The following RFX3 variants were observed in gnomAD, a reference collection of about 807,000 sequenced individuals.
The protein encoded by RFX3 is regulatory factor X3.
A neutral mutation model predicts 98.6 loss-of-function variants in RFX3; 14 were observed. The ratio of observed to expected loss-of-function variants is 0.14; its 90% confidence interval spans 0.09 to 0.22. The LOEUF (loss-of-function observed/expected upper bound fraction) is 0.22, where lower values mean the gene tolerates loss of function less well. Among genes scored for constraint, RFX3 ranks in the 10% least tolerant of loss-of-function variants. The probability of loss-of-function intolerance (pLI) is 1.00; values close to 1 mark genes in which losing one functional copy is unlikely to be tolerated. For synonymous variants in RFX3, 383 were observed against 328.4 expected, an observed-to-expected ratio of 1.17 and a Z score of -1.80; for missense variants, 639 against 926.9, an observed-to-expected ratio of 0.69 and a Z score of 4.03.
chr9:3,511,098 T>C lies in RFX3; in HGVS notation c.-9+14649A>G, dbSNP rs375029353. 5.3e-5 allele frequency among the ~76,000 whole-genome samples: 8 copies of C among 152,114 alleles called. No individual in the cohort carries two copies. The East Asian group carries it at 9.6e-4, about 18-fold the overall frequency. ...GTCATACACAATTCCACTGAACCCT[T>C]TGGATCATAATGAAGTTTGGCAATT... On this transcript the variant is annotated intron_variant, in intron 1 of 16. Coordinates refer to ENST00000617270, the MANE Select transcript of RFX3 (RefSeq NM_001282116.2).
chr9:3,484,942 AG>A (rs1437652401), intron 1 of RFX3, among the ~76,000 whole-genome samples: 1 of 146,544 alleles, frequency 6.8e-6, no homozygotes, highest in African/African-American at 2.5e-5. Context: ...CAGAAAGAAA[AG>A]GAAAAAAAAA....
intron 1 of RFX3, among the ~76,000 whole-genome samples, chr9:3,515,179 A>C (rs1818034041): frequency 6.6e-6 from 1 of 152,228 alleles, no homozygotes; most frequent in Non-Finnish European, 1.5e-5. Flanking sequence ...TACCTTGCTT[A>C]TGAACTAGAT....
chr9:3,426,821 A>G (rs925348356), intron 1 of RFX3, among the ~76,000 whole-genome samples: 3 of 152,222 alleles, frequency 2.0e-5, no homozygotes, highest in African/African-American at 4.8e-5. Context: ...TGATGAGTAG[A>G]TAATTATTTC....
intron 4 of RFX3, among the ~76,000 whole-genome samples, chr9:3,303,982 G>A (rs1828981847): frequency 6.6e-6 from 1 of 151,988 alleles, no homozygotes; most frequent in African/African-American, 2.4e-5. Flanking sequence ...AATTTGTGTA[G>A]CCCGGGGAAT....
At chr9:3,525,626 GGAGT>G (rs1819209969) in intron 1 of RFX3, 117 bp downstream of exon 1, 1 of 153,936 alleles carries the variant, frequency 6.5e-6, no homozygotes, top group Non-Finnish European at 1.4e-5. Context: ...CCCCGTGTCA[GGAGT>G]GAGACCCCAG....
chr9:3,332,214 T>G (rs115943675), intron 3 of RFX3, among the ~76,000 whole-genome samples: 1 of 152,170 alleles, frequency 6.6e-6, no homozygotes, highest in Non-Finnish European at 1.5e-5. Context: ...ACAAGTGTTT[T>G]GGATTTTGGA....
At chr9:3,423,242 G>C (rs1175183329) in intron 1 of RFX3, among the ~76,000 whole-genome samples, 1 of 152,118 alleles carries the variant, frequency 6.6e-6, no homozygotes. Context: ...AGGTGCTTCT[G>C]AAGTCAAACA....
At chr9:3,266,065 C>T (rs2131271032) in intron 12 of RFX3, 143 bp downstream of exon 12, 1 of 485,480 alleles carries the variant, frequency 2.1e-6, no homozygotes, top group East Asian at 3.1e-5. Context: ...TTATAAAATA[C>T]AAATATAAAA....
chr9:3,246,921 A>T, intron 15 of RFX3: 1 of 323,054 alleles, frequency 3.1e-6, no homozygotes. Flanking sequence ...CTGACCTTCT[A>T]GGCAAGTTTG....
intron 1 of RFX3, among the ~76,000 whole-genome samples, chr9:3,413,806 T>C (rs1424977320): frequency 6.6e-6 from 1 of 152,078 alleles, no homozygotes; most frequent in African/African-American, 2.4e-5. Flanking sequence ...CCCTTTATGC[T>C]TTTTTGAATA....
At chr9:3,290,069 T>C (rs1051429496) in intron 6 of RFX3, among the ~76,000 whole-genome samples, 14 of 152,044 alleles carry the variant, frequency 9.2e-5, no homozygotes, top group Non-Finnish European at 1.8e-4. Flanking sequence ...ACTCCTACAA[T>C]TGTCAGTTTT....
intron 1 of RFX3, among the ~76,000 whole-genome samples, chr9:3,516,293 C>T (rs1818163127): frequency 6.6e-6 from 1 of 152,106 alleles, no homozygotes; most frequent in Non-Finnish European, 1.5e-5. Flanking sequence ...CGTGATCCAC[C>T]CGCCTCAGCC....
chr9:3,337,180 T>G (rs1833289002), intron 3 of RFX3, among the ~76,000 whole-genome samples: 2 of 152,092 alleles, frequency 1.3e-5, no homozygotes. Flanking sequence ...GGAGTTGCAA[T>G]CAGGGCCCAT....
chr9:3,242,480 A>G (rs575875004), intron 15 of RFX3, among the ~76,000 whole-genome samples: 34 of 152,006 alleles, frequency 2.2e-4, no homozygotes, highest in African/African-American at 7.7e-4. Flanking sequence ...TAACAAGTCT[A>G]TTGTTCAACA....
chr9:3,369,808 C>A (rs1329702221), intron 2 of RFX3, among the ~76,000 whole-genome samples: 3 of 151,944 alleles, frequency 2.0e-5, no homozygotes, highest in Non-Finnish European at 4.4e-5. Flanking sequence ...ATTTACAGAG[C>A]AGTTGTTTTT....
chr9:3,356,198 A>AAGGG (rs1804554629), intron 2 of RFX3, among the ~76,000 whole-genome samples: 1 of 148,824 alleles, frequency 6.7e-6, no homozygotes, highest in Non-Finnish European at 1.5e-5. Context: ...GGAAGGAAGG[A>AAGGG]AAGAAGGAAA....
chr9:3,307,383 A>G (rs1172884715), intron 4 of RFX3, among the ~76,000 whole-genome samples: 1 of 152,090 alleles, frequency 6.6e-6, no homozygotes, highest in East Asian at 1.9e-4. Context: ...ATCTGACATC[A>G]CTTCATATAT....
chr9:3,469,071 A>C, intron 1 of RFX3: 1 of 377,900 alleles, frequency 2.6e-6, no homozygotes, highest in Non-Finnish European at 5.3e-6. Context: ...CATTAAAAAA[A>C]CATTCAAGTG....
chr9:3,359,304 A>G (rs1836144893), intron 2 of RFX3, among the ~76,000 whole-genome samples: 1 of 152,178 alleles, frequency 6.6e-6, no homozygotes, highest in Non-Finnish European at 1.5e-5. Context: ...TAAGACCCTC[A>G]AGAACCTTTT....
Sources: gnomAD v4.1 joint callset for allele counts (sites outside exome capture counted in the v4.1 genomes callset) on GRCh38, gnomAD v4.1.1 for gene constraint, MANE v1.5 for transcripts, NCBI Gene and HGNC (gene_info 2026-07-23, HGNC 2026-07-21) for gene names.